The following PPL variants were observed in gnomAD, a reference collection of about 807,000 sequenced individuals.
PPL encodes periplakin.
PPL carries 198 observed loss-of-function variants against 194.4 expected under a neutral mutation model. The ratio of observed to expected loss-of-function variants is 1.02; its 90% CI spans 0.91 to 1.15. The LOEUF (loss-of-function observed/expected upper bound fraction) is 1.15, where lower values mean the gene tolerates loss of function less well. PPL is among the 50% of genes most tolerant of loss of function. PPL has a pLI of 0.00. For missense variants in PPL, 2,885 were observed against 2,294.8 expected (o/e 1.26, Z -5.25); for synonymous variants, 1,220 against 972.4 (o/e 1.25, Z -4.74).
rs910677920 is a variant in PPL, at chr16:4,884,858, T to C, written c.3797A>G (p.Asp1266Gly). Residue 1266 changes from aspartate (D) to glycine (G), a missense_variant, in exon 22 of 22, where the codon GAT becomes GGT. Asp to Gly is a moderately conservative substitution (Grantham distance 94). Transcript: ENST00000345988. The surrounding 1 kb of genome is among the most constrained non-coding windows in gnomAD (Gnocchi z 5.7). ...VDKTRLIERC[D>G]LEIYQLKKEI... Reference sequence around the variant, plus strand: ...CTTTTTCAGCTGGTAGATCTCTAAATCACACCTTTCGATCAGTCTGGTCTT... The same window carrying C: ...CTTTTTCAGCTGGTAGATCTCTAAACCACACCTTTCGATCAGTCTGGTCTT... 7 of 1,614,110 alleles carry C rather than the reference T, an allele frequency of 4.3e-6. No homozygotes were observed. Among genetic ancestry groups the C allele is most frequent in the Non-Finnish European group, 5.9e-6 (7 of 1,180,006 alleles).
chr16:4,885,055 TC>T lies in PPL; in HGVS notation c.3599del (p.Arg1200GlnfsTer32), dbSNP rs1567984608. 1 of 1,613,656 alleles carries T rather than the reference TC, an allele frequency of 6.2e-7. No homozygotes were observed. The highest frequency in any genetic ancestry group is 1.1e-5 in the South Asian group (1 of 91,072). On this transcript the variant is annotated frameshift_variant, in exon 22 of 22. Coordinates refer to ENST00000345988, the MANE Select transcript of PPL (RefSeq NM_002705.5). LOFTEE classifies it high-confidence loss of function. The surrounding 1 kb of genome is among the most constrained non-coding windows in gnomAD (Gnocchi z 6.3). ...GCTGCTCCTCGGCACCCCGGTACTT[TC>T]GCTCCTGCTCCACAAGCTCCAGGCG... ...NLRLELVEQERKYRGAEEQLR... is the reference protein window; with the variant it reads ...NLRLELVEQEXKYRGAEEQLR...
chr16:4,883,247 C>T lies in PPL; in HGVS notation c.*137G>A. 2 of 1,238,818 alleles carry T rather than the reference C, an allele frequency of 1.6e-6. No homozygotes were observed. The highest frequency in any genetic ancestry group is 2.2e-5 in the Admixed American group (1 of 45,406). The allele number at this position is 1,238,818 out of a possible 1,614,324, so 76.7% of individuals were successfully genotyped here. On this transcript the variant is annotated 3_prime_UTR_variant, in exon 22 of 22. Coordinates refer to ENST00000345988, the MANE Select transcript of PPL (RefSeq NM_002705.5). This position sits in a 1 kb window ranked among gnomAD's most constrained non-coding sequence, Gnocchi z 4.8. ...GCCTGTCTCATATGTGGGCGGGACT[C>T]TGAGCAGCCTGGCAGCGAGGGTATG...
intron 1 of PPL, among the ~76,000 whole-genome samples, chr16:4,932,201 C>T (rs537164970): frequency 3.2e-4 from 49 of 152,296 alleles, no homozygotes; most frequent in African/African-American, 1.1e-3. Context: ...ATGGCAGGCC[C>T]GCTGTCAGAA....
intron 1 of PPL, among the ~76,000 whole-genome samples, chr16:4,913,315 C>T (rs963710126): frequency 2.6e-5 from 4 of 152,146 alleles, no homozygotes; most frequent in African/African-American, 4.8e-5. Flanking sequence ...CCATCAGCCA[C>T]TTAGTGGCTG....
intron 1 of PPL, among the ~76,000 whole-genome samples, chr16:4,936,273 C>A (rs2089297043): frequency 6.6e-6 from 1 of 152,192 alleles, no homozygotes; most frequent in Admixed American, 6.5e-5. Flanking sequence ...GCCCCGAAGC[C>A]GCCCAACCTC....
At position 4,899,103 on chromosome 16, in the gene PPL, G is replaced by T. The variant is rs769650976; in HGVS notation, c.786C>A (p.Asn262Lys). Residue 262 changes from asparagine to lysine, a missense_variant, in exon 8 of 22, where the codon AAC becomes AAA. Coordinates refer to ENST00000345988, the MANE Select transcript of PPL (RefSeq NM_002705.5). ...RRQYENFINR[N>K]LEAKEERINK... Reference sequence around the variant, plus strand: ...TGATTCTCTCCTCTTTGGCCTCCAGGTTCCGGTTGATGAAATTCTGCAGTG... The same window carrying T: ...TGATTCTCTCCTCTTTGGCCTCCAGTTTCCGGTTGATGAAATTCTGCAGTG... The T allele has an allele frequency of 1.1e-5, 17 of 1,613,808 alleles. No individual in the cohort carries two copies. The Admixed American group carries it at 2.7e-4, about 25-fold the overall frequency.
intron 9 of PPL, among the ~76,000 whole-genome samples, 187 bp from the exon 10 acceptor site, chr16:4,895,903 C>G (rs144409404): frequency 1.6e-4 from 25 of 152,296 alleles, no homozygotes; most frequent in Admixed American, 9.8e-4. Context: ...TGAGCTGGCT[C>G]CTTAGGGGCC....
chr16:4,937,140 G>T lies in PPL; in HGVS notation c.-95C>A, dbSNP rs1181547352. The T allele has an allele frequency of 1.5e-5, 13 of 855,730 alleles. No homozygotes were observed. In the Middle Eastern group the frequency reaches 1.4e-3, roughly 93 times the overall value. 53.0% of individuals were successfully genotyped at this position (855,730 alleles called of 1,614,324 possible). On this transcript the variant is annotated 5_prime_UTR_variant, in exon 1 of 22. Transcript: ENST00000345988. ...AGGTGAGCGAGCGGCGGCGCGGGGA[G>T]CCCGGACTGCGGCGCGGCAGTGGCT...
At chr16:4,929,407 A>T (rs1214624050) in intron 1 of PPL, among the ~76,000 whole-genome samples, 1 of 151,646 alleles carries the variant, frequency 6.6e-6, no homozygotes, top group Non-Finnish European at 1.5e-5. Context: ...GGCTCTTCCC[A>T]CGCTGTGCCC....
Position 4,885,482 on chromosome 16 carries a change from A to G in PPL, c.3173T>C (p.Val1058Ala). The G allele has an allele frequency of 2.5e-6, 4 of 1,610,762 alleles. No individual in the cohort carries two copies. Among genetic ancestry groups the G allele is most frequent in the Non-Finnish European group, 3.4e-6 (4 of 1,179,606 alleles). The stretch of plus-strand genomic sequence containing the variant: ...CAGCTGGGGGTCATTCTGCAGTTTC[A>G]CCACCTCTTTCTCTGTGACCTTCTC... ...AQEKVTEKEVVKLQNDPQLEA... is the reference protein window; with the variant it reads ...AQEKVTEKEVAKLQNDPQLEA... The change falls in exon 22 of 22, where the codon GTG becomes GCG. Residue 1058 changes from valine to alanine, a missense_variant. Transcript: ENST00000345988. The surrounding 1 kb of genome is among the most constrained non-coding windows in gnomAD (Gnocchi z 6.3).
intron 1 of PPL, among the ~76,000 whole-genome samples, chr16:4,920,341 G>GAAAGAAAGAAAGAAAGAAAGAA (rs1294847034): frequency 9.2e-5 from 1 of 10,926 alleles, no homozygotes; most frequent in Non-Finnish European, 7.6e-4. Context: ...GAAAGAGAGA[G>GAAAGAAAGAAAGAAAGAAAGAA]AGAGAGAAAG....
intron 1 of PPL, among the ~76,000 whole-genome samples, chr16:4,917,965 T>C (rs1013167521): frequency 4.8e-5 from 7 of 145,738 alleles, no homozygotes; most frequent in Admixed American, 2.1e-4. Flanking sequence ...ATATATGAAT[T>C]ACATCACAGT....
At chr16:4,905,005 G>C (rs2088654887) in intron 2 of PPL, among the ~76,000 whole-genome samples, 1 of 152,210 alleles carries the variant, frequency 6.6e-6, no homozygotes, top group African/African-American at 2.4e-5. Context: ...TTAATTCACT[G>C]TGTCAATATT....
chr16:4,906,717 G>A (rs1322652136), intron 2 of PPL, among the ~76,000 whole-genome samples: 1 of 152,208 alleles, frequency 6.6e-6, no homozygotes, highest in Non-Finnish European at 1.5e-5. Flanking sequence ...GCTAGTGTTC[G>A]AAAGTTCAAA....
intron 1 of PPL, among the ~76,000 whole-genome samples, chr16:4,931,751 C>T (rs191168084): frequency 6.4e-4 from 98 of 152,340 alleles, no homozygotes; most frequent in African/African-American, 2.2e-3. Flanking sequence ...CCCAACCACA[C>T]CCTTAGGGTA....
chr16:4,900,987 G>A lies in PPL; in HGVS notation c.541C>T (p.His181Tyr), dbSNP rs369217459. The A allele has an allele frequency of 4.3e-6, 7 of 1,614,162 alleles. No individual in the cohort carries two copies. In the Admixed American group the frequency reaches 8.3e-5, roughly 19 times the overall value. ...FHNEVKAIGPHLAKDGDKEQN... is the reference protein window; with the variant it reads ...FHNEVKAIGPYLAKDGDKEQN... ...ACCTTGTCCCCGTCCTTGGCCAGGT[G>A]GGGCCCGATGGCCTTGACCTCATTG... The change falls in exon 5 of 22, where the codon CAC (histidine) becomes TAC (tyrosine). Residue 181 changes from histidine (H) to tyrosine (Y), a missense_variant. Coordinates refer to ENST00000345988, the MANE Select transcript of PPL (RefSeq NM_002705.5).
chr16:4,936,880 GACCCCCGT>G, intron 1 of PPL, 96 bp downstream of exon 1: 2 of 1,189,376 alleles, frequency 1.7e-6, no homozygotes, highest in Non-Finnish European at 2.3e-6. Context: ...CCGGTTCCTG[GACCCCCGT>G]ACCCCCCATT....
chr16:4,892,142 G>C lies in PPL; in HGVS notation c.1722C>G (p.Ile574Met), dbSNP rs1360184379. ...TRSTAEGEAF[I>M]QALPGSGTTP... Reference sequence around the variant, plus strand: ...TGGTGCCACTGCCTGGGAGGGCCTGGATGAAGGCTTCGCCCTCAGCCGTGC... The same window carrying C: ...TGGTGCCACTGCCTGGGAGGGCCTGCATGAAGGCTTCGCCCTCAGCCGTGC... The change falls in exon 15 of 22, where the codon ATC becomes ATG. Residue 574 changes from isoleucine (I) to methionine (M), a missense_variant. Ile to Met is a conservative substitution (Grantham distance 10, BLOSUM62 1). Coordinates refer to ENST00000345988, the MANE Select transcript of PPL (RefSeq NM_002705.5). 1 of 1,613,716 alleles carries C rather than the reference G, an allele frequency of 6.2e-7. No homozygotes were observed. The highest frequency in any genetic ancestry group is 1.3e-5 in the African/African-American group (1 of 74,942).
intron 18 of PPL, among the ~76,000 whole-genome samples, chr16:4,889,565 C>T (rs1232190353): frequency 6.6e-6 from 1 of 152,070 alleles, no homozygotes; most frequent in Non-Finnish European, 1.5e-5. Flanking sequence ...CCACAAAAGG[C>T]AGTTCTAAGG....
Sources: allele counts gnomAD v4.1 joint callset (sites outside exome capture counted in the v4.1 genomes callset), GRCh38; gene constraint gnomAD v4.1.1; non-coding constraint Gnocchi (gnomAD v3.1); transcripts MANE v1.5; gene names NCBI Gene and HGNC (gene_info 2026-07-23, HGNC 2026-07-21).